Variants in FANCA observed in about 807,000 individuals in gnomAD.
FANCA encodes Fanconi anemia group A protein.
In FANCA, 236 loss-of-function variants were observed where a neutral mutation model predicts 194.3. The observed-to-expected ratio is 1.21, with a 90% CI of 1.09 to 1.35. The LOEUF is 1.35. Among genes scored for constraint, FANCA ranks in the 40% most tolerant of loss-of-function variants. The probability of loss-of-function intolerance (pLI) is 0.00; values close to 1 mark genes in which losing one functional copy is unlikely to be tolerated. For missense variants in FANCA, 2,628 were observed against 1,813.9 expected, an observed-to-expected ratio of 1.45 and a Z score of -8.15; for synonymous variants, 1,014 against 715.8, an observed-to-expected ratio of 1.42 and a Z score of -6.65.
intron 14 of FANCA, among the ~76,000 whole-genome samples, chr16:89,788,129 T>A (rs529499520): frequency 1.3e-4 from 20 of 152,148 alleles, no homozygotes; most frequent in Non-Finnish European, 1.9e-4. Flanking sequence ...CACCTCGTCC[T>A]CCCACAGTGC....
Position 89,737,707 on chromosome 16 carries a change from A to T in FANCA, c.*894T>A. 1.3e-6 allele frequency: 2 copies of T among 1,587,426 alleles called. No homozygotes were observed. Among genetic ancestry groups the T allele is most frequent in the Non-Finnish European group, 8.6e-7 (1 of 1,164,064 alleles). ...CCACTGCATGGTGAACCATGTGCAG[A>T]AATGTCTTCCCAGCTGTGATGGTTT... On this transcript the variant is annotated 3_prime_UTR_variant, in exon 43 of 43. Coordinates refer to ENST00000389301, the MANE Select transcript of FANCA (RefSeq NM_000135.4).
intron 30 of FANCA, among the ~76,000 whole-genome samples, chr16:89,752,942 G>A (rs2038647638): frequency 6.6e-6 from 1 of 152,144 alleles, no homozygotes; most frequent in Non-Finnish European, 1.5e-5. Flanking sequence ...CTTGTGGAGG[G>A]CCTGACATCA....
intron 29 of FANCA, among the ~76,000 whole-genome samples, chr16:89,759,936 T>G (rs909027534): frequency 5.3e-5 from 8 of 149,724 alleles, no homozygotes; most frequent in African/African-American, 1.2e-4. Flanking sequence ...GTGCGGGACC[T>G]GGGTGCTCCA....
intron 30 of FANCA, among the ~76,000 whole-genome samples, chr16:89,753,400 ACT>A (rs1298816302): frequency 6.6e-6 from 1 of 151,156 alleles, no homozygotes; most frequent in Non-Finnish European, 1.5e-5. Flanking sequence ...TTATTTCTAC[ACT>A]CTCTCATCGC....
intron 10 of FANCA, chr16:89,798,729 A>G: frequency 1.5e-6 from 2 of 1,342,520 alleles, no homozygotes; most frequent in Non-Finnish European, 1.9e-6. Flanking sequence ...GGTGAATCTG[A>G]GCAGGATCTG....
chr16:89,795,418 C>A (rs1423225726), intron 11 of FANCA, among the ~76,000 whole-genome samples: 1 of 152,060 alleles, frequency 6.6e-6, no homozygotes, highest in African/African-American at 2.4e-5. Flanking sequence ...AGGTGGAGCA[C>A]CGAAGGTCAG....
At chr16:89,744,898 C>T in intron 36 of FANCA, 61 bp downstream of exon 36, 1 of 1,470,968 alleles carries the variant, frequency 6.8e-7, no homozygotes, top group Non-Finnish European at 9.4e-7. Context: ...TAGGAGATGA[C>T]CTTGAGCAGG....
intron 31 of FANCA, among the ~76,000 whole-genome samples, 198 bp from the exon 32 acceptor site, chr16:89,750,100 C>A (rs546161703): frequency 7.2e-5 from 11 of 152,306 alleles, no homozygotes; most frequent in East Asian, 1.9e-4. Flanking sequence ...CTGTGGCTCA[C>A]GTCTGTAATG....
intron 10 of FANCA, among the ~76,000 whole-genome samples, chr16:89,796,584 C>T (rs952564724): frequency 6.6e-6 from 1 of 152,174 alleles, no homozygotes; most frequent in African/African-American, 2.4e-5. Context: ...GGTCACAGAG[C>T]CAGGTGGCAA....
rs11859183 is a variant in FANCA at position 89,811,312 on chromosome 16, C to T, written c.284-241G>A. Among the ~76,000 whole-genome samples, 70,540 of 152,068 alleles carry T rather than the reference C, an allele frequency of 0.46. 17,638 individuals are homozygous for T. The highest frequency in any genetic ancestry group is 0.98 in the East Asian group (5,065 of 5,190). On this transcript the variant is annotated intron_variant, in intron 3 of 42. Transcript: ENST00000389301. ...CAGAGTTATACATTGGTATTTGTTA[C>T]GTTTCCCATGACACAAAAGGAGCAA...
chr16:89,786,585 G>A (rs2039905620), intron 14 of FANCA, among the ~76,000 whole-genome samples: 1 of 152,186 alleles, frequency 6.6e-6, no homozygotes, highest in Admixed American at 6.5e-5. Flanking sequence ...CCAAAGTGCT[G>A]GGATTACAGG....
At chr16:89,787,983 C>T (rs998693877) in intron 14 of FANCA, among the ~76,000 whole-genome samples, 1 of 151,756 alleles carries the variant, frequency 6.6e-6, no homozygotes, top group Non-Finnish European at 1.5e-5. Flanking sequence ...AAGGAATTCT[C>T]CTGCCTCGGC....
chr16:89,761,376 G>A (rs533637582), intron 29 of FANCA, among the ~76,000 whole-genome samples: 25 of 143,702 alleles, frequency 1.7e-4, no homozygotes, highest in Non-Finnish European at 3.3e-4. Flanking sequence ...CCGAGATCGC[G>A]CCACTGCATT....
chr16:89,808,124 C>T (rs571938699), intron 6 of FANCA, among the ~76,000 whole-genome samples, 170 bp downstream of exon 6: 1 of 151,856 alleles, frequency 6.6e-6, no homozygotes, highest in African/African-American at 2.4e-5. Flanking sequence ...AATAATAAAG[C>T]AATAGTTCCT....
intron 7 of FANCA, 118 bp downstream of exon 7, chr16:89,805,162 G>T: frequency 2.6e-6 from 2 of 778,238 alleles, no homozygotes; most frequent in Non-Finnish European, 4.5e-6. Flanking sequence ...GTCATGCCAG[G>T]TTCCCACGGC....
Position 89,782,698 on chromosome 16 carries a change from C to T in FANCA, c.1626+161G>A, listed in dbSNP as rs568533583. Among the ~76,000 whole-genome samples, 5 of 152,220 alleles carry T rather than the reference C, an allele frequency of 3.3e-5. No homozygotes were observed. The East Asian group carries it at 7.7e-4, about 23-fold the overall frequency. ...TGGGGACACACAAGGTGGGACACAGCAACACAGAGGCCCGCAGAGCCTCGC... is the reference window on the plus strand; with the variant it reads ...TGGGGACACACAAGGTGGGACACAGTAACACAGAGGCCCGCAGAGCCTCGC... On this transcript the variant is annotated intron_variant, in intron 17 of 42. Coordinates refer to ENST00000389301, the MANE Select transcript of FANCA (RefSeq NM_000135.4).
intron 10 of FANCA, chr16:89,798,728 G>A: frequency 1.5e-6 from 2 of 1,341,016 alleles, no homozygotes; most frequent in African/African-American, 2.9e-5. Context: ...TGGTGAATCT[G>A]AGCAGGATCT....
intron 31 of FANCA, 82 bp downstream of exon 31, chr16:89,752,056 C>T: frequency 2.4e-6 from 3 of 1,261,244 alleles, no homozygotes; most frequent in Non-Finnish European, 1.2e-6. Context: ...AGGCGTGAGC[C>T]ACCGCGCCTG....
rs1010432867 is a variant in FANCA at position 89,802,956 on chromosome 16, GAAGT to G, written c.792+299_792+302del. On this transcript the variant is annotated intron_variant, in intron 8 of 42. Coordinates refer to ENST00000389301, the MANE Select transcript of FANCA (RefSeq NM_000135.4). ...GGTACAAACATACAGCTAGACAGAA[GAAGT>G]AAGTTCTAATGTTCCACAGCAGAGT... 2.0e-4 allele frequency among the ~76,000 whole-genome samples: 31 copies of G among 152,276 alleles called. 1 individual carries two copies. Among genetic ancestry groups the G allele is most frequent in the South Asian group, 4.1e-4 (2 of 4,828 alleles).
Sources: allele counts gnomAD v4.1 joint callset (sites outside exome capture counted in the v4.1 genomes callset), GRCh38; gene constraint gnomAD v4.1.1; transcripts MANE v1.5; gene names NCBI Gene and HGNC (gene_info 2026-07-23, HGNC 2026-07-21).